Variants in LIPJ observed in about 807,000 individuals in gnomAD.
LIPJ encodes the protein lipase member J.
LIPJ carries 33 observed loss-of-function variants against 39.8 expected under a neutral mutation model. The observed-to-expected ratio is 0.83, with a 90% CI of 0.63 to 1.11. LIPJ has a LOEUF of 1.11. Among genes scored for constraint, LIPJ ranks in the 50% least tolerant of loss-of-function variants. LIPJ has a pLI of 0.00. For missense variants in LIPJ, 422 were observed against 427.9 expected (o/e 0.99, Z 0.12); for synonymous variants, 128 against 139.2 (o/e 0.92, Z 0.57).
At chr10:88,587,120 C>T (rs1376402366) in intron 1 of LIPJ, 146 bp from the exon 2 acceptor site, 1 of 151,864 alleles carries the variant, frequency 6.6e-6, no homozygotes, top group Admixed American at 6.6e-5. Flanking sequence ...GAAACTATCA[C>T]TAACAACCTC....
chr10:88,598,800 A>T (rs1013944429), intron 8 of LIPJ, among the ~76,000 whole-genome samples: 1 of 151,804 alleles, frequency 6.6e-6, no homozygotes, highest in African/African-American at 2.4e-5. Context: ...TCTGGAGTGT[A>T]CCAGAAAACT....
chr10:88,622,201 T>C, the LIPJ span, among the ~76,000 whole-genome samples: 4 of 152,214 alleles, frequency 2.6e-5, no homozygotes, highest in Non-Finnish European at 4.4e-5. Context: ...CTACAAAAAC[T>C]GGACTTTTCT....
chr10:88,613,800 A>ATATGTGTGTGTG, the LIPJ span, among the ~76,000 whole-genome samples: 621 of 74,122 alleles, frequency 8.4e-3, 9 homozygotes, highest in Non-Finnish European at 0.012. Context: ...ATATATATAT[A>ATATGTGTGTGTG]TGTGTGTGTG....
At chr10:88,593,906 C>T in intron 4 of LIPJ, 40 bp from the exon 5 acceptor site, 3 of 1,535,958 alleles carry the variant, frequency 2.0e-6, no homozygotes, top group Middle Eastern at 1.9e-4. Context: ...ATATAGATAA[C>T]TACAAAATTT....
chr10:88,601,889 A>G (rs777935218), intron 8 of LIPJ, among the ~76,000 whole-genome samples: 5 of 152,148 alleles, frequency 3.3e-5, no homozygotes, highest in Non-Finnish European at 7.4e-5. Context: ...TTGTGGAAAT[A>G]AAACTTGCTT....
At chr10:88,615,939 C>T in the LIPJ span, among the ~76,000 whole-genome samples, 8 of 152,108 alleles carry the variant, frequency 5.3e-5, no homozygotes, top group Non-Finnish European at 7.4e-5. Context: ...AGGCCTGGCC[C>T]CATGGCTCAG....
At chr10:88,591,944 T>A (rs1384860706) in intron 4 of LIPJ, 1 of 152,200 alleles carries the variant, frequency 6.6e-6, no homozygotes, top group Non-Finnish European at 1.5e-5. Flanking sequence ...ACAGTAAGTA[T>A]CATCAGAGTG....
At chr10:88,611,341 T>C (rs1851749111), downstream of LIPJ, among the ~76,000 whole-genome samples, 1 of 152,102 alleles carries the variant, frequency 6.6e-6, no homozygotes, top group Admixed American at 6.6e-5. Flanking sequence ...ATTCTGGTAA[T>C]ATGACAAAAA....
At chr10:88,593,883 A>T in intron 4 of LIPJ, 63 bp from the exon 5 acceptor site, 3 of 1,409,642 alleles carry the variant, frequency 2.1e-6, no homozygotes, top group Non-Finnish European at 2.9e-6. Context: ...TGAATTTCAG[A>T]TAAAAGATTT....
the LIPJ span, among the ~76,000 whole-genome samples, chr10:88,617,102 A>G: frequency 7.0e-4 from 106 of 152,316 alleles, no homozygotes; most frequent in Middle Eastern, 3.4e-3. Flanking sequence ...ACAAACAAAC[A>G]AAAACCAGAC....
intron 8 of LIPJ, among the ~76,000 whole-genome samples, chr10:88,601,144 C>T (rs760302663): frequency 3.3e-5 from 5 of 151,756 alleles, no homozygotes; most frequent in Non-Finnish European, 7.4e-5. Context: ...AGATGGGGTT[C>T]ACCATATTGG....
chr10:88,594,113 GA>G lies in LIPJ; in HGVS notation c.301del (p.Thr101ArgfsTer27), dbSNP rs761589231. The G allele has an allele frequency of 6.2e-7, 1 of 1,611,200 alleles. No homozygotes were observed. On this transcript the variant is annotated frameshift_variant, in exon 5 of 11. Coordinates refer to ENST00000371939, the Ensembl canonical transcript of LIPJ. LOFTEE classifies it high-confidence loss of function. ...CTGGTCCAGGAAACACTTGTACCTA[GA>G]AACGAGTTCCAAAGAATTCTGGGCT...
chr10:88,590,857 T>C (rs1851054441), intron 3 of LIPJ, among the ~76,000 whole-genome samples, 161 bp downstream of exon 3: 1 of 151,814 alleles, frequency 6.6e-6, no homozygotes, highest in Non-Finnish European at 1.5e-5. Context: ...TCAGCCTTAT[T>C]CTATCTTTGT....
the LIPJ span, among the ~76,000 whole-genome samples, chr10:88,621,750 CCTCA>C: frequency 2.6e-5 from 4 of 152,172 alleles, no homozygotes; most frequent in African/African-American, 9.6e-5. Flanking sequence ...TAAGAGACGG[CCTCA>C]CTAACACAAT....
At chr10:88,583,523 G>A, upstream of LIPJ, 1 of 1,169,094 alleles carries the variant, frequency 8.6e-7, no homozygotes, top group Non-Finnish European at 1.1e-6. Context: ...TCGCAACAGA[G>A]CTGACGTTGA....
chr10:88,622,362 C>T, the LIPJ span, among the ~76,000 whole-genome samples: 2 of 152,122 alleles, frequency 1.3e-5, no homozygotes, highest in African/African-American at 4.8e-5. Flanking sequence ...CTGTCTCAAG[C>T]TCTGTTTTCT....
At chr10:88,615,236 A>G in the LIPJ span, among the ~76,000 whole-genome samples, 2,223 of 152,330 alleles carry the variant, frequency 0.015, 63 homozygotes, top group African/African-American at 0.05. Flanking sequence ...TGATTTTAAA[A>G]ATACAGACAA....
At chr10:88,598,755 A>C (rs1287328157) in intron 8 of LIPJ, among the ~76,000 whole-genome samples, 1 of 151,856 alleles carries the variant, frequency 6.6e-6, no homozygotes, top group Non-Finnish European at 1.5e-5. Flanking sequence ...GACCTACATT[A>C]AGGTAAACAG....
chr10:88,605,663 G>A, exon 10 of LIPJ: 1 of 1,611,966 alleles, frequency 6.2e-7, no homozygotes, highest in Non-Finnish European at 8.5e-7. Flanking sequence ...GAAAGCTTAT[G>A]ACTGGGGCAG....
Sources: allele counts gnomAD v4.1 joint callset (sites outside exome capture counted in the v4.1 genomes callset), GRCh38; gene constraint gnomAD v4.1.1; transcripts MANE v1.5; gene names NCBI Gene and HGNC (gene_info 2026-07-23, HGNC 2026-07-21).